Variants in SLC39A11 observed in about 807,000 individuals in gnomAD.
SLC39A11 encodes the protein zinc transporter ZIP11.
In SLC39A11, 33 loss-of-function variants were observed where a neutral mutation model predicts 36.1. That is an observed-to-expected ratio of 0.91 (90% CI 0.69 to 1.22). The LOEUF (loss-of-function observed/expected upper bound fraction) is 1.22, where lower values mean the gene tolerates loss of function less well. Among genes scored for constraint, SLC39A11 ranks in the 50% most tolerant of loss-of-function variants. SLC39A11 has a pLI of 0.00. For synonymous variants in SLC39A11, 166 were observed against 170.3 expected, an observed-to-expected ratio of 0.97 and a Z score of 0.20; for missense variants, 432 against 430.3, an observed-to-expected ratio of 1.00 and a Z score of -0.03.
At chr17:73,011,707 G>A (rs1253532309) in intron 4 of SLC39A11, among the ~76,000 whole-genome samples, 2 of 150,782 alleles carry the variant, frequency 1.3e-5, no homozygotes, top group Non-Finnish European at 3.0e-5. Flanking sequence ...TGTTGCCCAG[G>A]CTGGAGTGCA....
chr17:72,774,936 T>C (rs2144763919), intron 6 of SLC39A11, among the ~76,000 whole-genome samples: 1 of 152,144 alleles, frequency 6.6e-6, no homozygotes, highest in South Asian at 2.1e-4. Context: ...ATCTTCTGAT[T>C]CATGCCTGTC....
intron 7 of SLC39A11, among the ~76,000 whole-genome samples, chr17:72,702,513 G>A (rs1279275754): frequency 6.6e-6 from 1 of 152,148 alleles, no homozygotes; most frequent in African/African-American, 2.4e-5. Flanking sequence ...TCTAGAGACC[G>A]ACGGTCTTCC....
chr17:72,654,874 T>C (rs1332591481), intron 7 of SLC39A11, among the ~76,000 whole-genome samples: 1 of 152,222 alleles, frequency 6.6e-6, no homozygotes, highest in Non-Finnish European at 1.5e-5. Context: ...CGCCGTGACA[T>C]AGCGCTGACT....
At chr17:72,924,870 C>T (rs973453390) in intron 5 of SLC39A11, among the ~76,000 whole-genome samples, 4 of 151,994 alleles carry the variant, frequency 2.6e-5, no homozygotes, top group Non-Finnish European at 2.9e-5. Flanking sequence ...GGCATGGTGG[C>T]GTGCACCTGT....
chr17:72,833,686 G>A (rs1175047722), intron 6 of SLC39A11, among the ~76,000 whole-genome samples: 2 of 152,214 alleles, frequency 1.3e-5, no homozygotes, highest in Admixed American at 6.5e-5. Context: ...CTGGGGTGAG[G>A]AGAGGTTGTC....
intron 4 of SLC39A11, among the ~76,000 whole-genome samples, chr17:72,967,842 G>A (rs1430936162): frequency 6.6e-6 from 1 of 152,204 alleles, no homozygotes; most frequent in Non-Finnish European, 1.5e-5. Flanking sequence ...ATCAACTAGG[G>A]AGGTTAATAA....
chr17:72,847,080 T>C (rs757526872), intron 6 of SLC39A11, among the ~76,000 whole-genome samples: 5 of 152,076 alleles, frequency 3.3e-5, no homozygotes, highest in Non-Finnish European at 5.9e-5. Context: ...CCCATCTTTA[T>C]CTCAAGACAT....
chr17:72,721,255 T>A (rs2567510), intron 7 of SLC39A11, among the ~76,000 whole-genome samples: 1 of 151,976 alleles, frequency 6.6e-6, no homozygotes, highest in Non-Finnish European at 1.5e-5. Context: ...TGCCACCATG[T>A]CCGGCTAATT....
intron 6 of SLC39A11, among the ~76,000 whole-genome samples, chr17:72,799,798 C>T (rs570668048): frequency 6.6e-6 from 1 of 151,968 alleles, no homozygotes; most frequent in East Asian, 1.9e-4. Flanking sequence ...AGACCCTTCT[C>T]GGTGGTTCTG....
chr17:73,005,024 C>A (rs541021781), intron 4 of SLC39A11, among the ~76,000 whole-genome samples: 1 of 152,226 alleles, frequency 6.6e-6, no homozygotes, highest in African/African-American at 2.4e-5. Context: ...TAAACAGAGT[C>A]TCGCTCCTTC....
At chr17:73,058,742 A>C (rs575251603) in intron 3 of SLC39A11, among the ~76,000 whole-genome samples, 1 of 152,334 alleles carries the variant, frequency 6.6e-6, no homozygotes, top group South Asian at 2.1e-4. Context: ...AAAAAGGGTT[A>C]ATCTTCAGAA....
intron 5 of SLC39A11, among the ~76,000 whole-genome samples, chr17:72,854,206 C>T (rs921940800): frequency 1.3e-5 from 2 of 151,922 alleles, no homozygotes; most frequent in African/African-American, 2.4e-5. Flanking sequence ...GTAACTGGTC[C>T]CAGGTCACAC....
At chr17:73,085,429 T>C (rs72843908) in intron 2 of SLC39A11, among the ~76,000 whole-genome samples, 47,460 of 151,952 alleles carry the variant, frequency 0.31, 7,760 homozygotes, top group Middle Eastern at 0.5. Flanking sequence ...GTGGATCACC[T>C]GAGGTCAGGA....
At chr17:72,899,223 C>T (rs1477965443) in intron 5 of SLC39A11, among the ~76,000 whole-genome samples, 1 of 152,032 alleles carries the variant, frequency 6.6e-6, no homozygotes, top group African/African-American at 2.4e-5. Context: ...AACCCCCACC[C>T]CAAGCCCCTG....
intron 6 of SLC39A11, among the ~76,000 whole-genome samples, chr17:72,764,685 C>T (rs755603383): frequency 7.9e-5 from 12 of 152,190 alleles, no homozygotes; most frequent in African/African-American, 1.2e-4. Context: ...GCCATGTTAT[C>T]GAAGTCCTGT....
At chr17:72,857,082 G>T (rs904284343) in intron 5 of SLC39A11, among the ~76,000 whole-genome samples, 9 of 152,110 alleles carry the variant, frequency 5.9e-5, no homozygotes, top group Non-Finnish European at 8.8e-5. Flanking sequence ...TTGTCACCTA[G>T]GTACTAAGCC....
intron 5 of SLC39A11, among the ~76,000 whole-genome samples, chr17:72,910,545 A>T (rs2082925097): frequency 7.0e-6 from 1 of 143,168 alleles, no homozygotes; most frequent in Non-Finnish European, 1.5e-5. Flanking sequence ...AATCGCTTGA[A>T]CCTGGGAGAT....
At chr17:73,086,948 C>G (rs551213999) in intron 2 of SLC39A11, among the ~76,000 whole-genome samples, 1 of 151,478 alleles carries the variant, frequency 6.6e-6, no homozygotes, top group African/African-American at 2.4e-5. Context: ...CCCAGCTACT[C>G]GGGAGGCTGA....
chr17:72,872,971 G>A (rs964875629), intron 5 of SLC39A11, among the ~76,000 whole-genome samples: 24 of 150,942 alleles, frequency 1.6e-4, no homozygotes, highest in Non-Finnish European at 3.4e-4. Flanking sequence ...GGAGAATGGC[G>A]TGAACCCGGG....
Sources: allele counts gnomAD v4.1 joint callset (sites outside exome capture counted in the v4.1 genomes callset), GRCh38; gene constraint gnomAD v4.1.1; transcripts MANE v1.5; gene names NCBI Gene and HGNC (gene_info 2026-07-23, HGNC 2026-07-21).